ARIH2: variants seen among roughly 807,000 people sequenced by gnomAD.
ARIH2 encodes the protein E3 ubiquitin-protein ligase ARIH2.
Under a neutral mutation model 79.8 loss-of-function variants are expected in ARIH2, and 12 were observed. The observed-to-expected ratio is 0.15, with a 90% CI of 0.10 to 0.24. ARIH2 has a LOEUF of 0.24. Ranked by LOEUF, ARIH2 falls within the 10% of genes least tolerant of loss-of-function variation. ARIH2 has a pLI of 1.00. For missense variants in ARIH2, 301 were observed against 618.3 expected, an observed-to-expected ratio of 0.49 and a Z score of 5.44; for synonymous variants, 224 against 213.9, an observed-to-expected ratio of 1.05 and a Z score of -0.41.
At chr3:48,923,099 T>C (rs1001413923) in intron 2 of ARIH2, among the ~76,000 whole-genome samples, 6 of 151,090 alleles carry the variant, frequency 4.0e-5, no homozygotes, top group African/African-American at 1.5e-4. Flanking sequence ...CCCAGCTACT[T>C]GGGAGGCTGA....
chr3:48,976,903 CAA>C (rs377502253), intron 11 of ARIH2, among the ~76,000 whole-genome samples: 1 of 134,990 alleles, frequency 7.4e-6, no homozygotes, highest in African/African-American at 2.7e-5. Context: ...GACTCTGTCT[CAA>C]AAAAAAAAAA....
intron 3 of ARIH2, among the ~76,000 whole-genome samples, chr3:48,945,703 G>T (rs1280249277): frequency 6.6e-6 from 1 of 152,182 alleles, no homozygotes; most frequent in Non-Finnish European, 1.5e-5. Flanking sequence ...CTTGAATGCG[G>T]TGGAGGGGAA....
chr3:48,919,993 T>G (rs1371589256), intron 1 of ARIH2, among the ~76,000 whole-genome samples: 1 of 151,546 alleles, frequency 6.6e-6, no homozygotes, highest in East Asian at 1.9e-4. Flanking sequence ...TTTTTTTTTT[T>G]TGGTGGGCGG....
intron 3 of ARIH2, among the ~76,000 whole-genome samples, chr3:48,959,585 C>T (rs1357940290): frequency 7.5e-6 from 1 of 133,518 alleles, no homozygotes; most frequent in Non-Finnish European, 1.5e-5. Flanking sequence ...GGGCGGATCA[C>T]GAGGTCAGGA....
intron 2 of ARIH2, among the ~76,000 whole-genome samples, chr3:48,925,402 C>A (rs1048253539): frequency 6.8e-6 from 1 of 146,908 alleles, no homozygotes; most frequent in African/African-American, 2.5e-5. Context: ...CATGAGCCAC[C>A]GCGCCCAGCT....
At chr3:48,951,409 T>C (rs1370844607) in intron 3 of ARIH2, among the ~76,000 whole-genome samples, 1 of 152,134 alleles carries the variant, frequency 6.6e-6, no homozygotes, top group African/African-American at 2.4e-5. Context: ...CTGTGGAATA[T>C]TGGGGTTTTT....
At chr3:48,957,904 C>T (rs554392581) in intron 3 of ARIH2, among the ~76,000 whole-genome samples, 83 of 152,164 alleles carry the variant, frequency 5.5e-4, no homozygotes, top group African/African-American at 1.9e-3. Flanking sequence ...TTAGTAGCGA[C>T]GGGATGTCAC....
Position 48,918,987 on chromosome 3 carries a change from C to T in ARIH2, c.-173C>T, listed in dbSNP as rs536644096. 1.4e-6 allele frequency: 2 copies of T among 1,448,302 alleles called. No homozygotes were observed. The highest frequency in any genetic ancestry group is 2.9e-5 in the African/African-American group (2 of 69,624). 89.7% of individuals were successfully genotyped at this position (1,448,302 alleles called of 1,614,324 possible). ...TTGTTCGGGCTCAGCGGCCGCGAGG[C>T]CGCAGCTCCCGGTAAGTGCGCGGCG... On this transcript the variant is annotated 5_prime_UTR_variant, in exon 1 of 16. Coordinates refer to ENST00000356401, the MANE Select transcript of ARIH2 (RefSeq NM_006321.4).
intron 3 of ARIH2, 56 bp downstream of exon 3, chr3:48,927,869 CTGT>C (rs1190793786): frequency 1.9e-6 from 3 of 1,582,318 alleles, no homozygotes; most frequent in African/African-American, 1.4e-5. Flanking sequence ...TAAGGATGAG[CTGT>C]TGTTAATTAA....
intron 3 of ARIH2, among the ~76,000 whole-genome samples, chr3:48,941,687 G>A (rs1320817055): frequency 6.6e-6 from 1 of 150,718 alleles, no homozygotes; most frequent in African/African-American, 2.4e-5. Context: ...CCACCTCCCG[G>A]GTTCACGCCA....
chr3:48,942,106 A>G (rs1213325664), intron 3 of ARIH2, among the ~76,000 whole-genome samples: 1 of 149,024 alleles, frequency 6.7e-6, no homozygotes, highest in East Asian at 2.0e-4. Context: ...GCTGGAGTGC[A>G]GTTAAGTTAT....
At chr3:48,952,079 G>A (rs1389466377) in intron 3 of ARIH2, among the ~76,000 whole-genome samples, 1 of 151,992 alleles carries the variant, frequency 6.6e-6, no homozygotes, top group Non-Finnish European at 1.5e-5. Flanking sequence ...TACATTTATA[G>A]TTTTAAATTT....
At chr3:48,957,102 A>C (rs989260791) in intron 3 of ARIH2, among the ~76,000 whole-genome samples, 2 of 152,206 alleles carry the variant, frequency 1.3e-5, no homozygotes, top group Non-Finnish European at 2.9e-5. Context: ...AGTGGTAGGC[A>C]TATCTCCCTT....
chr3:48,956,668 ACGTGTG>A (rs2090618393), intron 3 of ARIH2, among the ~76,000 whole-genome samples: 1 of 24,366 alleles, frequency 4.1e-5, no homozygotes, highest in East Asian at 1.3e-3. Context: ...CATACAGCTG[ACGTGTG>A]TGTGTGTGTG....
At chr3:48,927,975 G>C in intron 3 of ARIH2, 162 bp downstream of exon 3, 2 of 879,236 alleles carry the variant, frequency 2.3e-6, no homozygotes, top group South Asian at 1.8e-5. Context: ...CATTTACTTT[G>C]TTTTCTAATA....
intron 3 of ARIH2, among the ~76,000 whole-genome samples, chr3:48,948,800 A>G (rs2089566715): frequency 6.6e-6 from 1 of 152,172 alleles, no homozygotes; most frequent in Admixed American, 6.5e-5. Context: ...GAATTATACA[A>G]TATGTAATCT....
chr3:48,942,213 G>C (rs549325561), intron 3 of ARIH2, among the ~76,000 whole-genome samples: 68 of 152,078 alleles, frequency 4.5e-4, no homozygotes, highest in South Asian at 1.0e-3. Context: ...ACCACGCCCA[G>C]GTAATTTTTG....
intron 8 of ARIH2, among the ~76,000 whole-genome samples, chr3:48,971,240 C>A (rs1003272316): frequency 8.5e-5 from 13 of 152,108 alleles, no homozygotes; most frequent in Admixed American, 1.3e-4. Flanking sequence ...CCCTTATATT[C>A]TCTCTTTTTT....
chr3:48,945,765 C>T (rs1357473357), intron 3 of ARIH2, among the ~76,000 whole-genome samples: 1 of 152,090 alleles, frequency 6.6e-6, no homozygotes, highest in African/African-American at 2.4e-5. Context: ...TAACAAACTT[C>T]AGGTGGACTT....
Sources: gnomAD v4.1 joint callset for allele counts (sites outside exome capture counted in the v4.1 genomes callset) on GRCh38, gnomAD v4.1.1 for gene constraint, MANE v1.5 for transcripts, NCBI Gene and HGNC (gene_info 2026-07-23, HGNC 2026-07-21) for gene names.